The following GRM5 variants were observed in gnomAD, a reference collection of about 807,000 sequenced individuals.
GRM5 encodes the protein glutamate metabotropic receptor 5.
In GRM5, 19 loss-of-function variants were observed where a neutral mutation model predicts 83.1. The observed-to-expected ratio is 0.23, with a 90% CI of 0.16 to 0.34. The LOEUF is 0.34. GRM5 is among the 10% of genes least tolerant of loss of function. The pLI, the probability that GRM5 is intolerant of heterozygous loss-of-function variation, is 1.00. For missense variants in GRM5, 1,160 were observed against 1,588.3 expected, an observed-to-expected ratio of 0.73 and a Z score of 4.58; for synonymous variants, 675 against 633.6, an observed-to-expected ratio of 1.07 and a Z score of -0.98.
chr11:88,643,829 A>C (rs1361374597), intron 4 of GRM5, among the ~76,000 whole-genome samples: 1 of 152,218 alleles, frequency 6.6e-6, no homozygotes, highest in Non-Finnish European at 1.5e-5. Flanking sequence ...GCTATGGCTA[A>C]GCCATTAATG....
At chr11:88,697,581 T>C (rs1940932360) in intron 3 of GRM5, among the ~76,000 whole-genome samples, 1 of 152,224 alleles carries the variant, frequency 6.6e-6, no homozygotes, top group Non-Finnish European at 1.5e-5. Flanking sequence ...AGTGGTTTCC[T>C]AGCCTCAGAT....
At chr11:89,007,168 A>G (rs886279350) in intron 2 of GRM5, among the ~76,000 whole-genome samples, 6 of 152,154 alleles carry the variant, frequency 3.9e-5, no homozygotes, top group Non-Finnish European at 7.4e-5. Flanking sequence ...TGCCCCTATC[A>G]TAGGATCTCC....
chr11:88,672,343 A>T lies in GRM5; in HGVS notation c.912-18940T>A, dbSNP rs565927534. On this transcript the variant is annotated intron_variant, in intron 3 of 9. Transcript: ENST00000305447. ...GCCTAAGTCAAATTTGATGACAAACATATTATATCTGTCCTAAATCAAGCT... is the reference window on the plus strand; with the variant it reads ...GCCTAAGTCAAATTTGATGACAAACTTATTATATCTGTCCTAAATCAAGCT... Among the ~76,000 whole-genome samples, 4 of 152,116 alleles carry T rather than the reference A, an allele frequency of 2.6e-5. No homozygotes were observed. The South Asian group carries it at 6.2e-4, about 24-fold the overall frequency.
intron 3 of GRM5, among the ~76,000 whole-genome samples, chr11:88,826,724 T>C (rs1293698322): frequency 6.6e-6 from 1 of 152,188 alleles, no homozygotes; most frequent in Non-Finnish European, 1.5e-5. Flanking sequence ...GTTATGGTTA[T>C]GATATTGCCT....
chr11:88,783,686 G>C (rs1460052247), intron 3 of GRM5, among the ~76,000 whole-genome samples: 1 of 152,010 alleles, frequency 6.6e-6, no homozygotes, highest in Non-Finnish European at 1.5e-5. Context: ...CATCTTGGAT[G>C]CTAGAACATC....
intron 2 of GRM5, among the ~76,000 whole-genome samples, chr11:89,025,555 A>G (rs1281508263): frequency 6.6e-6 from 1 of 152,208 alleles, no homozygotes; most frequent in Non-Finnish European, 1.5e-5. Flanking sequence ...AAACATGTTC[A>G]TGATATATCA....
intron 3 of GRM5, among the ~76,000 whole-genome samples, chr11:88,841,633 G>T (rs1944204286): frequency 6.6e-6 from 1 of 152,094 alleles, no homozygotes; most frequent in Non-Finnish European, 1.5e-5. Flanking sequence ...CCTTATGCTG[G>T]ATTTGTTTAT....
intron 3 of GRM5, among the ~76,000 whole-genome samples, chr11:88,838,017 G>A (rs1398238572): frequency 7.0e-6 from 1 of 143,434 alleles, no homozygotes; most frequent in African/African-American, 2.5e-5. Flanking sequence ...CCCGGGAGGC[G>A]GAGCTTGCAG....
intron 4 of GRM5, among the ~76,000 whole-genome samples, chr11:88,640,857 G>A (rs1026301116): frequency 6.6e-5 from 10 of 152,108 alleles, no homozygotes; most frequent in African/African-American, 2.2e-4. Context: ...TCAGCTATTG[G>A]GAGGCTATCT....
chr11:88,768,487 T>C (rs1942665960), intron 3 of GRM5, among the ~76,000 whole-genome samples: 1 of 152,014 alleles, frequency 6.6e-6, no homozygotes, highest in African/African-American at 2.4e-5. Flanking sequence ...AGAGGTTCAC[T>C]TTTACAAGAT....
chr11:88,638,186 A>G (rs1268776701), intron 4 of GRM5, among the ~76,000 whole-genome samples: 1 of 149,076 alleles, frequency 6.7e-6, no homozygotes, highest in Admixed American at 6.7e-5. Flanking sequence ...GGATAGCTTT[A>G]GGAGATATAC....
chr11:88,612,029 C>T (rs1376464044), intron 4 of GRM5, among the ~76,000 whole-genome samples: 1 of 151,118 alleles, frequency 6.6e-6, no homozygotes, highest in African/African-American at 2.4e-5. Flanking sequence ...AGGTTAGTTA[C>T]ATATGTATAC....
chr11:88,532,340 G>A (rs1942031891), intron 8 of GRM5, among the ~76,000 whole-genome samples: 1 of 152,084 alleles, frequency 6.6e-6, no homozygotes, highest in Non-Finnish European at 1.5e-5. Flanking sequence ...AAAACAATAT[G>A]GGAGGAAAAG....
At chr11:88,559,610 C>A (rs1942708181) in intron 8 of GRM5, among the ~76,000 whole-genome samples, 1 of 152,190 alleles carries the variant, frequency 6.6e-6, no homozygotes, top group South Asian at 2.1e-4. Flanking sequence ...CTATTACTCC[C>A]TAGCTTCAGC....
At chr11:88,777,164 T>C (rs1366215292) in intron 3 of GRM5, among the ~76,000 whole-genome samples, 1 of 152,216 alleles carries the variant, frequency 6.6e-6, no homozygotes, top group East Asian at 1.9e-4. Flanking sequence ...TAACCTTGTC[T>C]TCTCGCTTTA....
chr11:88,680,116 A>C (rs1030286190), intron 3 of GRM5, among the ~76,000 whole-genome samples: 1 of 152,168 alleles, frequency 6.6e-6, no homozygotes. Flanking sequence ...GTTCTAGGGT[A>C]CATGTGCACA....
At chr11:88,766,594 T>C (rs111995797) in intron 3 of GRM5, among the ~76,000 whole-genome samples, 8,088 of 151,982 alleles carry the variant, frequency 0.053, 400 homozygotes, top group Admixed American at 0.16. Context: ...TCCAAAACTA[T>C]AAAAATCCTG....
chr11:88,853,646 T>C lies in GRM5; in HGVS notation c.662-3491A>G, dbSNP rs559330989. 3.3e-5 allele frequency among the ~76,000 whole-genome samples: 5 copies of C among 152,070 alleles called. No homozygotes were observed. The East Asian group carries it at 9.6e-4, about 29-fold the overall frequency. On this transcript the variant is annotated intron_variant, in intron 2 of 9. Coordinates refer to ENST00000305447, the MANE Select transcript of GRM5 (RefSeq NM_001143831.3). ...AAAGGATGAAAAACTAAAACACTTT[T>C]TTTCACTTTAAGCTCTGCTGTACTA...
intron 2 of GRM5, among the ~76,000 whole-genome samples, chr11:88,859,383 AT>A (rs148500179): frequency 1.3e-5 from 2 of 152,006 alleles, no homozygotes; most frequent in African/African-American, 2.4e-5. Flanking sequence ...TGAATACAGG[AT>A]TTTTTTATAA....
Sources: gnomAD v4.1 joint callset for allele counts (sites outside exome capture counted in the v4.1 genomes callset) on GRCh38, gnomAD v4.1.1 for gene constraint, MANE v1.5 for transcripts, NCBI Gene and HGNC (gene_info 2026-07-23, HGNC 2026-07-21) for gene names.